The following CDH23 variants were observed in gnomAD, a reference collection of about 807,000 sequenced individuals.
CDH23 encodes cadherin related 23, also known as cadherin-23.
A neutral mutation model predicts 317.1 loss-of-function variants in CDH23; 189 were observed. That is an observed-to-expected ratio of 0.60 (90% confidence interval 0.53 to 0.67). The LOEUF (loss-of-function observed/expected upper bound fraction) is 0.67, where lower values mean the gene tolerates loss of function less well. Among genes scored for constraint, CDH23 ranks in the 30% least tolerant of loss-of-function variants. The pLI, the probability that CDH23 is intolerant of heterozygous loss-of-function variation, is 0.00. For synonymous variants in CDH23, 1,839 were observed against 1,876.8 expected, an observed-to-expected ratio of 0.98 and a Z score of 0.52; for missense variants, 4,401 against 4,592.4, an observed-to-expected ratio of 0.96 and a Z score of 1.20.
intron 6 of CDH23, among the ~76,000 whole-genome samples, chr10:71,550,463 C>T (rs936428356): frequency 2.0e-5 from 3 of 146,506 alleles, no homozygotes; most frequent in Admixed American, 1.4e-4. Context: ...GAGACTGACA[C>T]ATGGGAGGAT....
At chr10:71,563,288 C>T (rs1857224010) in intron 6 of CDH23, among the ~76,000 whole-genome samples, 1 of 152,178 alleles carries the variant, frequency 6.6e-6, no homozygotes, top group African/African-American at 2.4e-5. Context: ...CTTCCAGCTC[C>T]TGCATTCCAG....
At chr10:71,441,741 A>AG (rs990710694) in intron 2 of CDH23, among the ~76,000 whole-genome samples, 1 of 151,774 alleles carries the variant, frequency 6.6e-6, no homozygotes, top group African/African-American at 2.4e-5. Context: ...AAAAAGAAAA[A>AG]AAAAAATACA....
Position 71,803,213 on chromosome 10 carries a change from C to G in CDH23, c.7665C>G (p.Ala2555=). The G allele has an allele frequency of 6.2e-7, 1 of 1,607,362 alleles. No individual in the cohort carries two copies. Among genetic ancestry groups the G allele is most frequent in the East Asian group, 2.2e-5 (1 of 44,586 alleles). Residue 2555 remains alanine (A), a synonymous_variant, in exon 55 of 70, where the codon GCC becomes GCG. Coordinates refer to ENST00000224721, the MANE Select transcript of CDH23 (RefSeq NM_022124.6). ...TYSLEGPGVE[A]FHVDMDSGLV... ...CTCTCCTGCTCCCACTGCCAGAGGC[C>G]TTCCATGTGGACATGGACTCGGGCT...
At chr10:71,779,580 C>A in intron 41 of CDH23, 133 bp downstream of exon 41, 1 of 631,084 alleles carries the variant, frequency 1.6e-6, no homozygotes, top group Non-Finnish European at 2.6e-6. Context: ...CTCAGTTTCC[C>A]CATCTATGAC....
At chr10:71,609,621 A>G (rs932902444) in intron 9 of CDH23, among the ~76,000 whole-genome samples, 1 of 152,188 alleles carries the variant, frequency 6.6e-6, no homozygotes. Flanking sequence ...GGCACCCGGC[A>G]CTAGGCTGGT....
intron 50 of CDH23, 116 bp downstream of exon 50, chr10:71,798,694 T>C (rs1841474201): frequency 2.5e-6 from 2 of 804,282 alleles, no homozygotes; most frequent in African/African-American, 1.7e-5. Flanking sequence ...AGATCCAAGA[T>C]GGCCAGCATT....
chr10:71,448,887 C>G (rs111895955), intron 3 of CDH23, among the ~76,000 whole-genome samples: 1 of 152,108 alleles, frequency 6.6e-6, no homozygotes, highest in South Asian at 2.1e-4. Context: ...ACCAGCAGGC[C>G]AGGGAGAGGG....
intron 6 of CDH23, among the ~76,000 whole-genome samples, chr10:71,522,672 C>A (rs2132234990): frequency 6.6e-6 from 1 of 152,254 alleles, no homozygotes; most frequent in East Asian, 1.9e-4. Flanking sequence ...GTGGTCATTA[C>A]CTTGAGACAC....
intron 9 of CDH23, among the ~76,000 whole-genome samples, chr10:71,610,479 A>C (rs1860808490): frequency 6.6e-6 from 1 of 152,210 alleles, no homozygotes. Context: ...ATGTAAATCT[A>C]AGTCCAAGCT....
chr10:71,540,696 C>T (rs1453851475), intron 6 of CDH23, among the ~76,000 whole-genome samples: 1 of 152,140 alleles, frequency 6.6e-6, no homozygotes, highest in Non-Finnish European at 1.5e-5. Flanking sequence ...ACCAGGGCCC[C>T]AGCTGAGAAA....
chr10:71,709,844 C>G (rs1159639410), intron 27 of CDH23, among the ~76,000 whole-genome samples: 1 of 152,188 alleles, frequency 6.6e-6, no homozygotes, highest in South Asian at 2.1e-4. Context: ...TTTAATGGGA[C>G]TTACAGTTCC....
intron 48 of CDH23, among the ~76,000 whole-genome samples, chr10:71,793,954 A>G (rs959883162): frequency 2.0e-5 from 3 of 152,092 alleles, no homozygotes; most frequent in Non-Finnish European, 4.4e-5. Flanking sequence ...CATGTTGGCA[A>G]TTTTAGAGGA....
chr10:71,572,790 G>A (rs180810657), intron 8 of CDH23, among the ~76,000 whole-genome samples: 81 of 152,190 alleles, frequency 5.3e-4, no homozygotes, highest in Admixed American at 2.0e-3. Context: ...TTATAGTCTC[G>A]CCTGTAATGT....
At chr10:71,721,392 A>G (rs1277924857) in intron 28 of CDH23, among the ~76,000 whole-genome samples, 1 of 152,162 alleles carries the variant, frequency 6.6e-6, no homozygotes, top group Non-Finnish European at 1.5e-5. Context: ...GACCTTCACC[A>G]CACATCCCCA....
At chr10:71,676,846 C>T (rs1374635413) in intron 15 of CDH23, among the ~76,000 whole-genome samples, 1 of 152,202 alleles carries the variant, frequency 6.6e-6, no homozygotes, top group African/African-American at 2.4e-5. Context: ...AAGCCAGAAC[C>T]TTCCAGGCTT....
chr10:71,636,850 G>A (rs1338775781), intron 11 of CDH23, among the ~76,000 whole-genome samples: 1 of 152,234 alleles, frequency 6.6e-6, no homozygotes, highest in Non-Finnish European at 1.5e-5. Flanking sequence ...GGCCTGAAGG[G>A]CAGAGGAAAA....
chr10:71,466,377 C>T (rs965429180), intron 3 of CDH23, among the ~76,000 whole-genome samples: 1 of 151,612 alleles, frequency 6.6e-6, no homozygotes, highest in Non-Finnish European at 1.5e-5. Context: ...CATGTGTGTC[C>T]CTGCCCGTGT....
At chr10:71,586,202 C>T (rs1423812651) in intron 9 of CDH23, among the ~76,000 whole-genome samples, 1 of 152,210 alleles carries the variant, frequency 6.6e-6, no homozygotes, top group East Asian at 1.9e-4. Flanking sequence ...GGGTTTCTAG[C>T]TCATGGCTGG....
At chr10:71,563,622 A>G (rs1280796653) in intron 6 of CDH23, among the ~76,000 whole-genome samples, 2 of 151,912 alleles carry the variant, frequency 1.3e-5, no homozygotes, top group African/African-American at 2.4e-5. Context: ...ATGATATTTT[A>G]TTACTATAGT....
Sources: gnomAD v4.1 joint callset for allele counts (sites outside exome capture counted in the v4.1 genomes callset) on GRCh38, gnomAD v4.1.1 for gene constraint, MANE v1.5 for transcripts, NCBI Gene and HGNC (gene_info 2026-07-23, HGNC 2026-07-21) for gene names.